Variants in CCDC88B observed in about 807,000 individuals in gnomAD.
CCDC88B encodes coiled-coil and HOOK domain protein 88B, also known as coiled-coil domain-containing protein 88B.
Under a neutral mutation model 183.7 loss-of-function variants are expected in CCDC88B, and 138 were observed. That is an observed-to-expected ratio of 0.75 (90% CI 0.65 to 0.87). CCDC88B has a LOEUF of 0.87. Among genes scored for constraint, CCDC88B ranks in the 40% least tolerant of loss-of-function variants. The pLI, the probability that CCDC88B is intolerant of heterozygous loss-of-function variation, is 0.00. For missense variants in CCDC88B, 1,822 were observed against 1,965.6 expected (o/e 0.93, Z 1.38); for synonymous variants, 835 against 867.5 (o/e 0.96, Z 0.66).
chr11:64,354,046 GC>G lies in CCDC88B; in HGVS notation c.3979del (p.Arg1327GlyfsTer282). On this transcript the variant is annotated frameshift_variant, in exon 24 of 27. Coordinates refer to ENST00000356786, the MANE Select transcript of CCDC88B (RefSeq NM_032251.6). LOFTEE classifies it high-confidence loss of function. ...LADKVKRLMRPRREGGPPGGL... is the reference protein window; with the variant it reads ...LADKVKRLMRXRREGGPPGGL... ...CAGACAAGGTGAAGAGGCTGATGCG[GC>G]CCCGGCGGGAGGGGGGCCCCCCTGG... 6.9e-7 allele frequency: 1 copy of G among 1,454,860 alleles called. No individual in the cohort carries two copies. 90.1% of individuals were successfully genotyped at this position (1,454,860 alleles called of 1,614,324 possible). A position where few individuals can be genotyped will look rare whatever the true frequency, so the allele number is the denominator to read the frequency against.
intron 14 of CCDC88B, chr11:64,349,007 G>A (rs1044312092): frequency 1.5e-5 from 11 of 717,350 alleles, no homozygotes; most frequent in Admixed American, 6.0e-5. Flanking sequence ...CCCACCGGGC[G>A]CATCCACCTT....
At position 64,344,100 on chromosome 11, in the gene CCDC88B, A is replaced by G. The variant is rs752617061; in HGVS notation, c.1559A>G (p.Gln520Arg). 6.2e-7 allele frequency: 1 copy of G among 1,613,070 alleles called. No individual in the cohort carries two copies. The highest frequency in any genetic ancestry group is 8.5e-7 in the Non-Finnish European group (1 of 1,179,790). Residue 520 changes from glutamine to arginine, a missense_variant, in exon 14 of 27, where the codon CAG (glutamine) becomes CGG (arginine). Gln to Arg is a conservative substitution (Grantham distance 43). Coordinates refer to ENST00000356786, the MANE Select transcript of CCDC88B (RefSeq NM_032251.6). This position sits in a 1 kb window ranked among gnomAD's most constrained non-coding sequence, Gnocchi z 4.5. ...AFDHSPQGLV[Q>R]KARDGGPQAL... ...GACCACAGCCCTCAGGGCTTGGTTC[A>G]GAAGGCAAGGGATGGAGGCCCCCAG...
At chr11:64,346,540 A>C (rs2036113026) in intron 14 of CCDC88B, among the ~76,000 whole-genome samples, 1 of 151,050 alleles carries the variant, frequency 6.6e-6, no homozygotes, top group East Asian at 1.9e-4. Context: ...TCCCAGGTTC[A>C]CGCCATTCTC....
rs748122614 is a variant in CCDC88B at position 64,349,590 on chromosome 11, G to T, written c.2784G>T (p.Gln928His). Reference protein sequence around the residue: ...GLEQRLEAELQAAATSKEEAL... With the variant: ...GLEQRLEAELHAAATSKEEAL... ...AGCAGCGGCTGGAAGCTGAGCTGCA[G>T]GCGGCGGCGACCAGCAAGGAGGAGG... is the stretch of plus-strand genomic sequence containing the variant. Residue 928 changes from glutamine to histidine, a missense_variant, in exon 16 of 27, where the codon CAG (glutamine) becomes CAT (histidine). By Grantham distance (24) the Gln-to-His change is conservative. Transcript: ENST00000356786. 6.2e-7 allele frequency: 1 copy of T among 1,601,324 alleles called. No homozygotes were observed. Among genetic ancestry groups the T allele is most frequent in the African/African-American group, 1.3e-5 (1 of 74,938 alleles).
intron 12 of CCDC88B, 46 bp from the exon 13 acceptor site, chr11:64,343,732 A>G: frequency 6.5e-7 from 1 of 1,528,988 alleles, no homozygotes; most frequent in Admixed American, 2.0e-5. Context: ...GTATGTGAGG[A>G]GCCAGGCAGT....
intron 24 of CCDC88B, among the ~76,000 whole-genome samples, chr11:64,354,407 G>A (rs951861157): frequency 3.9e-5 from 6 of 152,102 alleles, no homozygotes; most frequent in African/African-American, 9.7e-5. Context: ...CATCCGCAGC[G>A]GAGCCCAGGA....
chr11:64,349,408 G>A lies in CCDC88B; in HGVS notation c.2694G>A (p.Ala898=), dbSNP rs200338718. Residue 898 remains alanine (A), a synonymous_variant, in exon 15 of 27, where the codon GCG becomes GCA. Coordinates refer to ENST00000356786, the MANE Select transcript of CCDC88B (RefSeq NM_032251.6). The stretch of plus-strand genomic sequence containing the variant: ...ATTTGCAGCGTGAGCTGGAGCAGGC[G>A]GCTCTCGAGCGCCAGGAATTTCTGC... ...LEHLQRELEQ[A]ALERQEFLRE... The A allele has an allele frequency of 3.9e-5, 63 of 1,613,524 alleles. No individual in the cohort carries two copies. The highest frequency in any genetic ancestry group is 6.7e-5 in the East Asian group (3 of 44,864).
chr11:64,341,609 C>G lies in CCDC88B; in HGVS notation c.542C>G (p.Pro181Arg). ...LAAAIQEVTQ[P>R]GAGVVLALSG... ...CTTCCTGCGCCCCAGGTGACCCAGC[C>G]GGGGGCCGGCGTGGTGCTGGCACTG... The change falls in exon 7 of 27, where the codon CCG (proline) becomes CGG (arginine). Residue 181 changes from proline (P) to arginine (R), a missense_variant. Pro to Arg is a moderately radical substitution (Grantham distance 103, BLOSUM62 -2). Transcript: ENST00000356786. The G allele has an allele frequency of 1.9e-6, 3 of 1,599,996 alleles. No homozygotes were observed. Among genetic ancestry groups the G allele is most frequent in the South Asian group, 1.1e-5 (1 of 89,278 alleles).
rs1565058146 is a variant in CCDC88B at position 64,353,354 on chromosome 11, T to C, written c.3691T>C (p.Leu1231=). Residue 1231 remains leucine (L), a synonymous_variant, in exon 22 of 27, where the codon TTG becomes CTG. Transcript: ENST00000356786. ...AGCCATGGTGCCCCCCTGCCAGCTA[T>C]TGACACAGCTGCGAAGTGCCCAGGA... ...ACRLTTQCEL[L]TQLRSAQEEE... is the part of the protein sequence containing the mutation. The C allele has an allele frequency of 6.2e-7, 1 of 1,613,384 alleles. No individual in the cohort carries two copies. The highest frequency in any genetic ancestry group is 8.5e-7 in the Non-Finnish European group (1 of 1,179,848).
At chr11:64,351,747 C>T in intron 18 of CCDC88B, 131 bp downstream of exon 18, 1 of 1,216,432 alleles carries the variant, frequency 8.2e-7, no homozygotes, top group Non-Finnish European at 1.1e-6. Flanking sequence ...CTCATTTATC[C>T]TTGTCCTCTG....
chr11:64,340,349 G>A (rs1015127530), intron 1 of CCDC88B, 23 bp downstream of exon 1: 6 of 1,304,650 alleles, frequency 4.6e-6, no homozygotes, highest in Non-Finnish European at 4.9e-6. Flanking sequence ...GTGGCAGCGG[G>A]TTGGGGAGGG....
rs565935065 is a variant in CCDC88B, at chr11:64,342,424, A to C, written c.903+49A>C. ...CCGCGGCATTCCCTAACCTCCCCGC[A>C]CCCGGTCCCATTGCCTCCCTCCCAA... On this transcript the variant is annotated intron_variant, in intron 9 of 26. Transcript: ENST00000356786. 2.2e-5 allele frequency: 34 copies of C among 1,548,360 alleles called. 1 individual carries two copies. The South Asian group carries it at 4.0e-4, about 18-fold the overall frequency.
chr11:64,341,219 C>G lies in CCDC88B; in HGVS notation c.388+41C>G, dbSNP rs578157759. On this transcript the variant is annotated intron_variant, in intron 4 of 26. Coordinates refer to ENST00000356786, the MANE Select transcript of CCDC88B (RefSeq NM_032251.6). ...ACACCCTCCTGCCTCTGCCCCCGCACTACTCTACCTTCCCCGCCCCAGTTA... is the reference window on the plus strand; with the variant it reads ...ACACCCTCCTGCCTCTGCCCCCGCAGTACTCTACCTTCCCCGCCCCAGTTA... 3 of 1,614,062 alleles carry G rather than the reference C, an allele frequency of 1.9e-6. No homozygotes were observed. In the South Asian group the frequency reaches 3.3e-5, roughly 18 times the overall value.
chr11:64,355,086 C>G, intron 24 of CCDC88B, 108 bp from the exon 25 acceptor site: 1 of 644,566 alleles, frequency 1.6e-6, no homozygotes, highest in Non-Finnish European at 2.2e-6. Context: ...TTGTCTGACC[C>G]CCTCCCTGCG....
At position 64,355,261 on chromosome 11, in the gene CCDC88B, AGGCGGGCAGC is replaced by A; in HGVS notation, c.4173_4182del (p.Gln1392AsnfsTer214). ...TCTGCCTGCGGGATGAGACCTTGGCAGGCGGGCAGCGGCGGAAACTCAGCTCAAGGTTCCC... is the reference window on the plus strand; with the variant it reads ...TCTGCCTGCGGGATGAGACCTTGGCAGGCGGAAACTCAGCTCAAGGTTCCC... On this transcript the variant is annotated frameshift_variant, in exon 25 of 27. Coordinates refer to ENST00000356786, the MANE Select transcript of CCDC88B (RefSeq NM_032251.6). LOFTEE classifies it high-confidence loss of function. 1.9e-6 allele frequency: 3 copies of A among 1,572,156 alleles called. No individual in the cohort carries two copies. The highest frequency in any genetic ancestry group is 1.4e-5 in the African/African-American group (1 of 73,414).
chr11:64,353,908 C>T, intron 23 of CCDC88B, 95 bp downstream of exon 23: 1 of 1,578,100 alleles, frequency 6.3e-7, no homozygotes, highest in South Asian at 1.1e-5. Flanking sequence ...GGTCCAGGCC[C>T]CATGAAGGTC....
chr11:64,348,374 T>C (rs1317146725), intron 14 of CCDC88B, among the ~76,000 whole-genome samples: 1 of 148,990 alleles, frequency 6.7e-6, no homozygotes, highest in African/African-American at 2.5e-5. Context: ...CCTCCCAGGC[T>C]TGGGGGAGGG....
chr11:64,351,626 G>A lies in CCDC88B; in HGVS notation c.3099+10G>A, dbSNP rs1193603202. The A allele has an allele frequency of 6.4e-7, 1 of 1,555,234 alleles. No homozygotes were observed. The highest frequency in any genetic ancestry group is 1.8e-5 in the Admixed American group (1 of 54,736). On this transcript the variant is annotated intron_variant, in intron 18 of 26. Coordinates refer to ENST00000356786, the MANE Select transcript of CCDC88B (RefSeq NM_032251.6). ...CAGCAGCCGCCTGCAGGTGGGTGGTGGCCCGGGTGCCCATCCCTGCCCATG... is the reference window on the plus strand; with the variant it reads ...CAGCAGCCGCCTGCAGGTGGGTGGTAGCCCGGGTGCCCATCCCTGCCCATG...
In CCDC88B at chr11:64,348,208, G is replaced by A. The variant is rs547933986; in HGVS notation, c.2617-1123G>A. Among the ~76,000 whole-genome samples the A allele has an allele frequency of 1.2e-3, 185 of 152,006 alleles. 1 individual carries two copies. The highest frequency in any genetic ancestry group is 2.5e-3 in the Non-Finnish European group (169 of 67,980). ...CAGTGAAGGTGAGGGTAGGGCTGGC[G>A]GGCTGGAAGAGCCGGCTCCAAGGAC... On this transcript the variant is annotated intron_variant, in intron 14 of 26. Transcript: ENST00000356786.
Sources: gnomAD v4.1 joint callset for allele counts (sites outside exome capture counted in the v4.1 genomes callset) on GRCh38, gnomAD v4.1.1 for gene constraint, Gnocchi (gnomAD v3.1) non-coding constraint, MANE v1.5 for transcripts, NCBI Gene and HGNC (gene_info 2026-07-23, HGNC 2026-07-21) for gene names.